CLEC4C: variants seen among roughly 807,000 people sequenced by gnomAD.
CLEC4C encodes C-type (calcium dependent, carbohydrate-recognition domain) lectin, superfamily member 11.
In CLEC4C, 17 loss-of-function variants were observed where a neutral mutation model predicts 27.7. The observed-to-expected ratio is 0.61, with a 90% confidence interval of 0.42 to 0.92. The LOEUF (loss-of-function observed/expected upper bound fraction) is 0.92. Ranked by LOEUF, CLEC4C falls within the 40% of genes least tolerant of loss-of-function variation. The pLI is 0.00. For synonymous variants in CLEC4C, 80 were observed against 80.8 expected, an observed-to-expected ratio of 0.99 and a Z score of 0.06; for missense variants, 244 against 257.3, an observed-to-expected ratio of 0.95 and a Z score of 0.35.
At chr12:7,735,102 G>A (rs1864693064) in intron 4 of CLEC4C, among the ~76,000 whole-genome samples, 1 of 151,932 alleles carries the variant, frequency 6.6e-6, no homozygotes, top group South Asian at 2.1e-4. Flanking sequence ...TCAGGAGGCT[G>A]AGTCAGAAGA....
rs549848461 is a variant in CLEC4C at position 7,743,412 on chromosome 12, T to C, written c.125-1881A>G. On this transcript the variant is annotated intron_variant, in intron 2 of 5. Transcript: ENST00000360345. ...TTTTTTTTCTTTTTTTGAGATGGAG[T>C]CTTGCTCTGTCGCCCAGGCTGGAGT... is the stretch of plus-strand genomic sequence containing the variant. Among the ~76,000 whole-genome samples the C allele has an allele frequency of 6.2e-4, 93 of 150,922 alleles. No individual in the cohort carries two copies. The Middle Eastern group carries it at 0.01, about 17-fold the overall frequency.
rs1592096429 is a variant in CLEC4C, at chr12:7,741,453, A to T, written c.203T>A (p.Leu68Gln). Residue 68 changes from leucine to glutamine, a missense_variant, in exon 3 of 6, where the codon CTG becomes CAG. Physicochemically the swap from Leu to Gln is moderately radical, Grantham distance 113. Transcript: ENST00000360345. ...GTCCTTTCCTTCCATGACGCAGGTC[A>T]GGCTTGGATGATACTGTTGATACTC... ...LREYQQYHPS[L>Q]TCVMEGKDIE... is the part of the protein sequence containing the mutation. 6.2e-7 allele frequency: 1 copy of T among 1,610,714 alleles called. No homozygotes were observed. Among genetic ancestry groups the T allele is most frequent in the East Asian group, 2.2e-5 (1 of 44,874 alleles).
chr12:7,739,681 A>G (rs955891509), intron 3 of CLEC4C, among the ~76,000 whole-genome samples: 1 of 143,158 alleles, frequency 7.0e-6, no homozygotes, highest in Admixed American at 7.3e-5. Context: ...ATTTTATTTT[A>G]TTTATTATCT....
intron 4 of CLEC4C, among the ~76,000 whole-genome samples, chr12:7,732,108 C>A (rs1252203077): frequency 6.6e-6 from 1 of 152,124 alleles, no homozygotes; most frequent in Non-Finnish European, 1.5e-5. Flanking sequence ...CGGGTCACTG[C>A]AACCTCTGCC....
At chr12:7,731,042 A>C (rs1476718229) in intron 4 of CLEC4C, 130 bp from the exon 5 acceptor site, 4 of 525,366 alleles carry the variant, frequency 7.6e-6, no homozygotes, top group Non-Finnish European at 1.1e-5. Context: ...TTCTCTTCTA[A>C]CTACAAGCAG....
chr12:7,739,551 C>A (rs780218921), intron 3 of CLEC4C, among the ~76,000 whole-genome samples: 9 of 152,128 alleles, frequency 5.9e-5, no homozygotes, highest in Admixed American at 1.3e-4. Context: ...AGTCCCTGAT[C>A]CTGGACACAG....
chr12:7,744,847 T>TCAAGCGATCCTCC (rs969732803), intron 2 of CLEC4C, among the ~76,000 whole-genome samples: 3 of 151,064 alleles, frequency 2.0e-5, no homozygotes, highest in Admixed American at 6.7e-5. Flanking sequence ...ACTCCTGTCC[T>TCAAGCGATCCTCC]CAAGCGATCC....
At chr12:7,738,994 T>C (rs895483170) in intron 3 of CLEC4C, among the ~76,000 whole-genome samples, 1 of 128,140 alleles carries the variant, frequency 7.8e-6, no homozygotes, top group Non-Finnish European at 1.6e-5. Context: ...CAGTGTGTGA[T>C]GTTCCCCACC....
intron 2 of CLEC4C, among the ~76,000 whole-genome samples, chr12:7,742,967 C>G (rs1050452977): frequency 6.6e-6 from 1 of 152,084 alleles, no homozygotes; most frequent in African/African-American, 2.4e-5. Flanking sequence ...AAAATATGTT[C>G]TTAACCCTAT....
At chr12:7,740,847 ATTTTT>A (rs200089588) in intron 3 of CLEC4C, among the ~76,000 whole-genome samples, 1,784 of 144,926 alleles carry the variant, frequency 0.012, 40 homozygotes, top group African/African-American at 0.042. Context: ...TGAGGTGTCT[ATTTTT>A]TTTTTTGAGA....
rs751844822 is a variant in CLEC4C at position 7,746,354 on chromosome 12, A to T, written c.101T>A (p.Val34Asp). ...ACCCACAGAACTCACAGTGAAACAG[A>T]CACTGAGGAGCAAGATGGATACGAC... is the stretch of plus-strand genomic sequence containing the variant. ...MAVVSILLLS[V>D]CFTVSSVVPH... The change falls in exon 2 of 6, where the codon GTC (valine) becomes GAC (aspartate). Residue 34 changes from valine to aspartate, a missense_variant. Transcript: ENST00000360345. 3.1e-6 allele frequency: 5 copies of T among 1,613,288 alleles called. No individual in the cohort carries two copies. The Admixed American group carries it at 8.3e-5, about 27-fold the overall frequency.
intron 4 of CLEC4C, among the ~76,000 whole-genome samples, chr12:7,736,980 C>T (rs774921864): frequency 2.8e-4 from 43 of 152,196 alleles, no homozygotes; most frequent in Admixed American, 2.8e-3. Flanking sequence ...CCTATAATCC[C>T]AACACTTTGA....
intron 3 of CLEC4C, 50 bp downstream of exon 3, chr12:7,741,371 G>A (rs776052554): frequency 4.0e-6 from 4 of 1,010,278 alleles, no homozygotes; most frequent in South Asian, 3.8e-5. Flanking sequence ...ATCAGACTAG[G>A]AATTTGATTA....
intron 3 of CLEC4C, among the ~76,000 whole-genome samples, chr12:7,738,648 G>A (rs1258927694): frequency 4.6e-5 from 7 of 152,058 alleles, no homozygotes; most frequent in African/African-American, 1.7e-4. Context: ...ACAGGGGCAC[G>A]CCACCACACC....
intron 1 of CLEC4C, 130 bp downstream of exon 1, chr12:7,747,188 C>T (rs1235609254): frequency 1.2e-6 from 1 of 841,510 alleles, no homozygotes; most frequent in Non-Finnish European, 2.0e-6. Context: ...TGTTTCCATA[C>T]TGAAATTACT....
chr12:7,747,546 C>T (rs1865011712), upstream of CLEC4C: 1 of 427,622 alleles, frequency 2.3e-6, no homozygotes, highest in Non-Finnish European at 4.3e-6. Context: ...CAATTTAAAA[C>T]ATACATCATG....
intron 4 of CLEC4C, among the ~76,000 whole-genome samples, chr12:7,736,828 GGGAGGCTGAGCTT>G (rs1864737205): frequency 6.6e-6 from 1 of 152,042 alleles, no homozygotes; most frequent in South Asian, 2.1e-4. Flanking sequence ...GTGTGAACCC[GGGAGGCTGAGCTT>G]GCAGTGAGCT....
At position 7,733,049 on chromosome 12, in the gene CLEC4C, A is replaced by T. The variant is rs889044397; in HGVS notation, c.382-2137T>A. 2.0e-5 allele frequency among the ~76,000 whole-genome samples: 3 copies of T among 152,040 alleles called. No homozygotes were observed. The South Asian group carries it at 6.2e-4, about 31-fold the overall frequency. ...ATTATGCCATGAGTTTGCATAAGTT[A>T]CTTCACGTAAATTTTACAACTACTA... On this transcript the variant is annotated intron_variant, in intron 4 of 5. Transcript: ENST00000360345.
chr12:7,745,257 G>A (rs1011914029), intron 2 of CLEC4C, among the ~76,000 whole-genome samples: 8 of 151,882 alleles, frequency 5.3e-5, no homozygotes, highest in African/African-American at 1.5e-4. Context: ...AAACCGTGAC[G>A]AGCTAGCACT....
Sources: allele counts gnomAD v4.1 joint callset (sites outside exome capture counted in the v4.1 genomes callset), GRCh38; gene constraint gnomAD v4.1.1; transcripts MANE v1.5; gene names NCBI Gene and HGNC (gene_info 2026-07-23, HGNC 2026-07-21).